AIM2: variants seen among roughly 807,000 people sequenced by gnomAD.
AIM2 encodes the protein interferon-inducible protein AIM2.
AIM2 carries 30 observed loss-of-function variants against 27.7 expected under a neutral mutation model. That is an observed-to-expected ratio of 1.08 (90% confidence interval 0.81 to 1.47). AIM2 has a LOEUF of 1.47. Among genes scored for constraint, AIM2 ranks in the 40% most tolerant of loss-of-function variants. The probability of loss-of-function intolerance (pLI) is 0.00; values close to 1 mark genes in which losing one functional copy is unlikely to be tolerated. For missense variants in AIM2, 358 were observed against 411.3 expected (o/e 0.87, Z 1.12); for synonymous variants, 141 against 145.3 (o/e 0.97, Z 0.21).
chr1:159,084,778 T>TACACACACAC (rs113134051), intron 1 of AIM2, among the ~76,000 whole-genome samples: 22,121 of 134,834 alleles, frequency 0.16, 2,334 homozygotes, highest in South Asian at 0.24. Flanking sequence ...CTGTCTGAAA[T>TACACACACAC]ACACACACAC....
chr1:159,097,424 A>T (rs1384017016), intron 1 of AIM2, among the ~76,000 whole-genome samples: 3 of 152,070 alleles, frequency 2.0e-5, no homozygotes, highest in Non-Finnish European at 4.4e-5. Flanking sequence ...CCAGCCTGCA[A>T]CCCAAAATAT....
In AIM2 at chr1:159,075,212, A is replaced by C. The variant is rs530490007; in HGVS notation, c.-21+1421T>G. Among the ~76,000 whole-genome samples the C allele has an allele frequency of 2.6e-3, 392 of 152,290 alleles. 2 individuals carry two copies. The highest frequency in any genetic ancestry group is 8.9e-3 in the African/African-American group (368 of 41,570). ...CAAGGAAAGAATGGCCAACTATAAA[A>C]AGTGTTCAGACAAATGACAATACAC... On this transcript the variant is annotated intron_variant, in intron 1 of 5. Coordinates refer to ENST00000368130, the MANE Select transcript of AIM2 (RefSeq NM_004833.3).
At chr1:159,118,917 G>A (rs1479751663) in intron 1 of AIM2, among the ~76,000 whole-genome samples, 4 of 151,918 alleles carry the variant, frequency 2.6e-5, no homozygotes, top group Non-Finnish European at 4.4e-5. Flanking sequence ...CAAACAATCC[G>A]GAATCTTAGT....
intron 1 of AIM2, among the ~76,000 whole-genome samples, chr1:159,090,892 A>G (rs1657028095): frequency 6.6e-6 from 1 of 151,926 alleles, no homozygotes; most frequent in East Asian, 1.9e-4. Context: ...CCACATTAGC[A>G]TAAAGTGTCT....
Position 159,099,631 on chromosome 1 carries a change from T to A in AIM2, c.-15-33302A>T, listed in dbSNP as rs532639299. On this transcript the variant is annotated intron_variant, in intron 1 of 2. Transcript: ENST00000368129. ...AACTACATCTGTTAATGGGCTGGTGTCTGCTCAGATCAGCAACCAAGTACC... is the reference window on the plus strand; with the variant it reads ...AACTACATCTGTTAATGGGCTGGTGACTGCTCAGATCAGCAACCAAGTACC... Among the ~76,000 whole-genome samples the A allele has an allele frequency of 9.2e-5, 14 of 152,302 alleles. No homozygotes were observed. The South Asian group carries it at 2.9e-3, about 32-fold the overall frequency.
At chr1:159,104,785 C>G (rs1271415645) in intron 1 of AIM2, among the ~76,000 whole-genome samples, 1 of 152,168 alleles carries the variant, frequency 6.6e-6, no homozygotes, top group Admixed American at 6.5e-5. Flanking sequence ...TTTTCTGGAG[C>G]ATGGACTACA....
At chr1:159,098,286 G>GAGAAATAC in intron 1 of AIM2, among the ~76,000 whole-genome samples, 1 of 152,274 alleles carries the variant, frequency 6.6e-6, no homozygotes, top group South Asian at 2.1e-4. Context: ...TGCTGGCCCT[G>GAGAAATAC]AGAAATACAA....
chr1:159,084,305 C>T (rs1158659071), intron 1 of AIM2, among the ~76,000 whole-genome samples: 1 of 151,982 alleles, frequency 6.6e-6, no homozygotes, highest in Non-Finnish European at 1.5e-5. Flanking sequence ...CCTCCAAGCC[C>T]ACTTATTTCT....
intron 1 of AIM2, among the ~76,000 whole-genome samples, chr1:159,116,773 T>A (rs1186242257): frequency 1.3e-5 from 2 of 151,694 alleles, no homozygotes; most frequent in Admixed American, 6.6e-5. Flanking sequence ...ACATGGCACA[T>A]GTATACATAT....
upstream of AIM2, among the ~76,000 whole-genome samples, chr1:159,141,051 G>C (rs1357949046): frequency 6.6e-6 from 1 of 152,134 alleles, no homozygotes; most frequent in Non-Finnish European, 1.5e-5. Context: ...TCACCTGACA[G>C]ATCAGAAAGT....
chr1:159,114,868 A>C (rs1234732874), intron 1 of AIM2, among the ~76,000 whole-genome samples: 2 of 152,232 alleles, frequency 1.3e-5, no homozygotes, highest in Admixed American at 6.5e-5. Context: ...AAGGGTATTC[A>C]GTTAGGAAAA....
At chr1:159,121,396 A>T (rs1423230620) in intron 1 of AIM2, among the ~76,000 whole-genome samples, 1 of 152,238 alleles carries the variant, frequency 6.6e-6, no homozygotes, top group Non-Finnish European at 1.5e-5. Flanking sequence ...TTGTGAGTGT[A>T]CCTGTGAACA....
chr1:159,070,185 C>A (rs56185814), intron 2 of AIM2, among the ~76,000 whole-genome samples: 129,064 of 151,980 alleles, frequency 0.85, 56,954 homozygotes, highest in East Asian at 1. Flanking sequence ...AGTTAGTTAC[C>A]TGTCTCAGTT....
At chr1:159,064,624 C>A (rs751402998) in intron 4 of AIM2, among the ~76,000 whole-genome samples, 1 of 152,170 alleles carries the variant, frequency 6.6e-6, no homozygotes. Context: ...CGCCAATACA[C>A]CCGGCTAATT....
chr1:159,144,992 C>G (rs934765644), upstream of AIM2, among the ~76,000 whole-genome samples: 1 of 152,144 alleles, frequency 6.6e-6, no homozygotes, highest in Non-Finnish European at 1.5e-5. Context: ...ATGCCGTAAA[C>G]CTTATTAATC....
At chr1:159,074,642 A>G (rs1202740185) in intron 1 of AIM2, among the ~76,000 whole-genome samples, 1 of 152,152 alleles carries the variant, frequency 6.6e-6, no homozygotes, top group East Asian at 1.9e-4. Flanking sequence ...GTTTATAACT[A>G]TAAGATTAAT....
chr1:159,084,683 G>A (rs1412747114), intron 1 of AIM2, among the ~76,000 whole-genome samples: 1 of 151,818 alleles, frequency 6.6e-6, no homozygotes. Context: ...TGAGGCAGGA[G>A]GATCACTTGA....
At chr1:159,076,426 T>G (rs911488416) in intron 1 of AIM2, among the ~76,000 whole-genome samples, 4 of 152,180 alleles carry the variant, frequency 2.6e-5, no homozygotes, top group African/African-American at 9.7e-5. Flanking sequence ...AGCCGAAGCT[T>G]AAGGAACACC....
At chr1:159,095,462 C>A (rs188036972) in intron 1 of AIM2, among the ~76,000 whole-genome samples, 250 of 152,304 alleles carry the variant, frequency 1.6e-3, no homozygotes, top group Non-Finnish European at 2.7e-3. Context: ...AGCATTGAGA[C>A]CTTGTATCTG....
Sources: allele counts gnomAD v4.1 joint callset (sites outside exome capture counted in the v4.1 genomes callset), GRCh38; gene constraint gnomAD v4.1.1; transcripts MANE v1.5; gene names NCBI Gene and HGNC (gene_info 2026-07-23, HGNC 2026-07-21).